Variants in STARD13 observed in about 807,000 individuals in gnomAD.
The protein encoded by STARD13 is stAR-related lipid transfer protein 13.
In STARD13, 62 loss-of-function variants were observed where a neutral mutation model predicts 106.4. That is an observed-to-expected ratio of 0.58 (90% CI 0.48 to 0.72). The LOEUF is 0.72. Ranked by LOEUF, STARD13 falls within the 30% of genes least tolerant of loss-of-function variation. The pLI is 0.00. For missense variants in STARD13, 1,387 were observed against 1,424.0 expected (o/e 0.97, Z 0.42); for synonymous variants, 565 against 553.0 (o/e 1.02, Z -0.31).
intron 1 of STARD13, among the ~76,000 whole-genome samples, chr13:33,323,896 C>T (rs535689312): frequency 3.9e-5 from 6 of 152,224 alleles, no homozygotes; most frequent in Admixed American, 2.6e-4. Flanking sequence ...AACAAAAACA[C>T]GAAACACACC....
chr13:33,508,594 G>T, the STARD13 span, among the ~76,000 whole-genome samples: 8 of 152,304 alleles, frequency 5.3e-5, no homozygotes, highest in South Asian at 1.2e-3. Flanking sequence ...AGCTGGAAGT[G>T]GAGTGTTGTA....
At chr13:33,137,176 A>G (rs572710538) in intron 4 of STARD13, among the ~76,000 whole-genome samples, 43 of 152,360 alleles carry the variant, frequency 2.8e-4, no homozygotes, top group African/African-American at 9.4e-4. Context: ...TGAATTTTAC[A>G]AAAGTATCTT....
At chr13:33,666,684 C>T in the STARD13 span, among the ~76,000 whole-genome samples, 10 of 151,598 alleles carry the variant, frequency 6.6e-5, no homozygotes, top group South Asian at 2.1e-4. Flanking sequence ...TCTGCTTTCC[C>T]GGTTCAAGCA....
chr13:33,514,082 A>G, the STARD13 span, among the ~76,000 whole-genome samples: 4 of 152,192 alleles, frequency 2.6e-5, no homozygotes, highest in South Asian at 8.3e-4. Flanking sequence ...TATGGAAAAT[A>G]CCCATTACAC....
chr13:33,122,988 G>A (rs1432847995), intron 7 of STARD13, among the ~76,000 whole-genome samples: 3 of 146,568 alleles, frequency 2.0e-5, no homozygotes, highest in South Asian at 2.2e-4. Flanking sequence ...CCCAGGAGGC[G>A]GAGGTTGCAG....
chr13:33,593,277 C>CG, the STARD13 span, among the ~76,000 whole-genome samples: 1 of 152,010 alleles, frequency 6.6e-6, no homozygotes, highest in African/African-American at 2.4e-5. Context: ...CTCTGCCTCC[C>CG]GGGTTCAAGT....
chr13:33,366,936 G>T, the STARD13 span, among the ~76,000 whole-genome samples: 1 of 152,172 alleles, frequency 6.6e-6, no homozygotes, highest in African/African-American at 2.4e-5. The surrounding 1 kb of genome is among the most constrained non-coding windows in gnomAD (Gnocchi z 4.2). Flanking sequence ...TAACCTTTTG[G>T]ATTCAAGCTA....
At chr13:33,419,460 G>T in the STARD13 span, among the ~76,000 whole-genome samples, 1 of 152,150 alleles carries the variant, frequency 6.6e-6, no homozygotes, top group Admixed American at 6.5e-5. Flanking sequence ...CAAGAAATAC[G>T]CGACTATGTG....
the STARD13 span, among the ~76,000 whole-genome samples, chr13:33,627,404 T>C: frequency 6.6e-6 from 1 of 152,162 alleles, no homozygotes; most frequent in African/African-American, 2.4e-5. Context: ...TTCGGGAGGC[T>C]GAGGTGGGTG....
chr13:33,440,525 C>A, the STARD13 span, among the ~76,000 whole-genome samples: 1 of 151,460 alleles, frequency 6.6e-6, no homozygotes, highest in African/African-American at 2.4e-5. Flanking sequence ...CTTTTCTACC[C>A]CTCTGCTTGT....
chr13:33,181,938 G>A (rs1044174789), intron 1 of STARD13, among the ~76,000 whole-genome samples: 3 of 152,158 alleles, frequency 2.0e-5, no homozygotes, highest in Non-Finnish European at 2.9e-5. Flanking sequence ...CAAAAGAATC[G>A]GTCTCGCTTT....
intron 1 of STARD13, among the ~76,000 whole-genome samples, chr13:33,256,799 G>A (rs1349861871): frequency 6.6e-6 from 1 of 152,200 alleles, no homozygotes; most frequent in African/African-American, 2.4e-5. Flanking sequence ...GAGCAGGACT[G>A]ATGAAGATTT....
At chr13:33,447,860 T>A in the STARD13 span, among the ~76,000 whole-genome samples, 9 of 152,068 alleles carry the variant, frequency 5.9e-5, no homozygotes, top group African/African-American at 2.2e-4. Flanking sequence ...AGAAATAAGA[T>A]ATATATATAA....
chr13:33,412,667 T>C, the STARD13 span, among the ~76,000 whole-genome samples: 3 of 151,910 alleles, frequency 2.0e-5, no homozygotes, highest in South Asian at 4.2e-4. Flanking sequence ...GAAAAAACTA[T>C]AGTAATATGA....
intron 1 of STARD13, among the ~76,000 whole-genome samples, chr13:33,242,008 G>A (rs996873416): frequency 6.6e-6 from 1 of 151,768 alleles, no homozygotes; most frequent in African/African-American, 2.4e-5. Flanking sequence ...CCCATGGTCT[G>A]GGGTGTGGGG....
intron 1 of STARD13, among the ~76,000 whole-genome samples, chr13:33,304,802 T>C (rs1892846488): frequency 1.3e-5 from 2 of 152,198 alleles, no homozygotes; most frequent in Admixed American, 6.5e-5. Flanking sequence ...TAGTTATTTG[T>C]TTACTTTTAG....
chr13:33,178,423 C>T (rs1447341780), intron 1 of STARD13, among the ~76,000 whole-genome samples: 2 of 152,122 alleles, frequency 1.3e-5, no homozygotes, highest in African/African-American at 4.8e-5. Context: ...TCCTGGTGAA[C>T]GTATTTCAGG....
At chr13:33,425,791 G>A in the STARD13 span, among the ~76,000 whole-genome samples, 1 of 152,206 alleles carries the variant, frequency 6.6e-6, no homozygotes, top group African/African-American at 2.4e-5. Context: ...TGGGAAGACT[G>A]CGAAGTTTGC....
At chr13:33,627,933 C>T in the STARD13 span, among the ~76,000 whole-genome samples, 2 of 151,032 alleles carry the variant, frequency 1.3e-5, no homozygotes, top group African/African-American at 2.4e-5. Context: ...CCTAGATTTA[C>T]TTTGCGTAAT....
Sources: gnomAD v4.1 joint callset for allele counts (sites outside exome capture counted in the v4.1 genomes callset) on GRCh38, gnomAD v4.1.1 for gene constraint, Gnocchi (gnomAD v3.1) non-coding constraint, MANE v1.5 for transcripts, NCBI Gene and HGNC (gene_info 2026-07-23, HGNC 2026-07-21) for gene names.